AP3D1: variants seen among roughly 807,000 people sequenced by gnomAD.
The protein encoded by AP3D1 is AP-3 complex subunit delta-1.
A neutral mutation model predicts 147.6 loss-of-function variants in AP3D1; 51 were observed. The observed-to-expected ratio is 0.35, with a 90% CI of 0.28 to 0.44. AP3D1 has a LOEUF of 0.44. AP3D1 is among the 20% of genes least tolerant of loss of function. AP3D1 has a pLI of 1.00. For synonymous variants in AP3D1, 760 were observed against 663.0 expected, an observed-to-expected ratio of 1.15 and a Z score of -2.25; for missense variants, 1,421 against 1,624.2, an observed-to-expected ratio of 0.87 and a Z score of 2.15.
At position 2,115,412 on chromosome 19, in the gene AP3D1, G is replaced by A; in HGVS notation, c.2156C>T (p.Pro719Leu). ...LSVPLKVPGL[P>L]MSDQYVKLEE... is the part of the protein sequence containing the mutation. Reference sequence around the variant, plus strand: ...CAGCTTCACATACTGATCTGACATAGGCAGCCCTGCGGGCCGGCAGCGGGC... The same window carrying A: ...CAGCTTCACATACTGATCTGACATAAGCAGCCCTGCGGGCCGGCAGCGGGC... Residue 719 changes from proline (P) to leucine (L), a missense_variant, in exon 20 of 32, where the codon CCT becomes CTT. Around this residue, in one of 6 missense-constraint regions of AP3D1, gnomAD observed 791 missense variants for 761.4 expected, o/e 1.04. Coordinates refer to ENST00000643116, the MANE Select transcript of AP3D1 (RefSeq NM_001261826.3). The A allele has an allele frequency of 6.2e-7, 1 of 1,607,142 alleles. No individual in the cohort carries two copies. Among genetic ancestry groups the A allele is most frequent in the African/African-American group, 1.3e-5 (1 of 75,044 alleles).
At chr19:2,124,649 C>G (rs190152043) in intron 9 of AP3D1, among the ~76,000 whole-genome samples, 173 of 152,222 alleles carry the variant, frequency 1.1e-3, no homozygotes, top group Non-Finnish European at 1.7e-3. Context: ...AAAAGCATAA[C>G]AATGATCTAG....
chr19:2,140,060 A>T (rs1599487549), intron 1 of AP3D1, among the ~76,000 whole-genome samples: 1 of 151,796 alleles, frequency 6.6e-6, no homozygotes, highest in Non-Finnish European at 1.5e-5. Flanking sequence ...GATCCTCCAG[A>T]CGGGCTTCAA....
intron 7 of AP3D1, 26 bp downstream of exon 7, chr19:2,129,292 A>C (rs369430796): frequency 5.3e-5 from 85 of 1,612,962 alleles, no homozygotes; most frequent in Non-Finnish European, 6.9e-5. Context: ...CAGGGTGAGG[A>C]GGCCACATTC....
intron 1 of AP3D1, among the ~76,000 whole-genome samples, chr19:2,150,234 C>G (rs1469826056): frequency 4.6e-5 from 7 of 152,172 alleles, no homozygotes; most frequent in Admixed American, 2.0e-4. Flanking sequence ...GGTGCGGTAT[C>G]AGACGGCGGC....
At chr19:2,118,250 C>G (rs1043304009) in intron 15 of AP3D1, among the ~76,000 whole-genome samples, 3 of 152,198 alleles carry the variant, frequency 2.0e-5, no homozygotes, top group Non-Finnish European at 4.4e-5. Context: ...GTCTGCTCAA[C>G]CTAGAACCCA....
At position 2,121,431 on chromosome 19, in the gene AP3D1, G is replaced by A. The variant is rs769646571; in HGVS notation, c.1102-120C>T. 17 of 1,325,756 alleles carry A rather than the reference G, an allele frequency of 1.3e-5. No homozygotes were observed. The Middle Eastern group carries it at 1.9e-3, about 152-fold the overall frequency. The allele number at this position is 1,325,756 out of a possible 1,614,324, so 82.1% of individuals were successfully genotyped here. A position where few individuals can be genotyped will look rare whatever the true frequency, so the allele number is the denominator to read the frequency against. On this transcript the variant is annotated intron_variant, in intron 12 of 31. Transcript: ENST00000643116. ...GGACACAGGCGGACCCGGATTCACA[G>A]ATCGATGCCAGGGAGGCAGCAGGCC...
At chr19:2,148,692 C>T (rs1482421815) in intron 1 of AP3D1, among the ~76,000 whole-genome samples, 1 of 152,146 alleles carries the variant, frequency 6.6e-6, no homozygotes, top group Non-Finnish European at 1.5e-5. Flanking sequence ...AGATGGGCCG[C>T]CCCATGAAGT....
upstream of AP3D1, among the ~76,000 whole-genome samples, chr19:2,156,039 C>T (rs1224671428): frequency 2.1e-5 from 3 of 143,874 alleles, no homozygotes; most frequent in South Asian, 2.2e-4. Flanking sequence ...GACGACAGAG[C>T]GAGACTCCGT....
At chr19:2,105,025 G>C (rs2018071207) in intron 31 of AP3D1, among the ~76,000 whole-genome samples, 1 of 152,074 alleles carries the variant, frequency 6.6e-6, no homozygotes. Flanking sequence ...AGATCACCAG[G>C]GCATCAGCAA....
intron 14 of AP3D1, among the ~76,000 whole-genome samples, 182 bp from the exon 15 acceptor site, chr19:2,119,014 G>C (rs10408693): frequency 6.6e-6 from 1 of 152,206 alleles, no homozygotes; most frequent in Admixed American, 6.5e-5. Context: ...TCAACAGCCC[G>C]TAACACAAAC....
At chr19:2,105,023 A>G (rs2018071067) in intron 31 of AP3D1, among the ~76,000 whole-genome samples, 1 of 152,180 alleles carries the variant, frequency 6.6e-6, no homozygotes, top group Admixed American at 6.5e-5. Context: ...ACAGATCACC[A>G]GGGCATCAGC....
intron 1 of AP3D1, among the ~76,000 whole-genome samples, chr19:2,158,199 G>T (rs2019664207): frequency 1.3e-5 from 2 of 152,002 alleles, no homozygotes; most frequent in South Asian, 4.2e-4. Context: ...GGGACTACAG[G>T]CACCCGCCAC....
intron 1 of AP3D1, among the ~76,000 whole-genome samples, chr19:2,162,526 T>A (rs2144611891): frequency 6.6e-6 from 1 of 151,398 alleles, no homozygotes; most frequent in South Asian, 2.1e-4. Context: ...CCGGGCGTGG[T>A]GACTCGTGCC....
Position 2,120,939 on chromosome 19 carries a change from C to T in AP3D1, c.1404G>A (p.Leu468=), listed in dbSNP as rs1261230783. Residue 468 remains leucine, a synonymous_variant, in exon 14 of 32, where the codon CTG becomes CTA. Transcript: ENST00000643116. The part of the protein sequence containing the change: ...QMSALLDSAH[L]LASSTQRNGI... ...CGTTCCGCTGGGTGCTGCTGGCCAG[C>T]AGGTGTGCACTGTCAAGCAGCGCAG... 8 of 1,611,956 alleles carry T rather than the reference C, an allele frequency of 5.0e-6. No individual in the cohort carries two copies. Among genetic ancestry groups the T allele is most frequent in the East Asian group, 4.5e-5 (2 of 44,880 alleles).
At chr19:2,116,177 G>A in intron 18 of AP3D1, 30 bp downstream of exon 18, 2 of 1,609,426 alleles carry the variant, frequency 1.2e-6, no homozygotes, top group African/African-American at 2.7e-5. Context: ...AGAGGGTGCT[G>A]AGGGACAGGC....
chr19:2,146,990 C>T (rs1160568351), intron 1 of AP3D1, among the ~76,000 whole-genome samples: 1 of 151,770 alleles, frequency 6.6e-6, no homozygotes, highest in East Asian at 1.9e-4. Context: ...CCAACATCCA[C>T]AGTGGTGAGG....
At position 2,114,252 on chromosome 19, in the gene AP3D1, T is replaced by A. The variant is rs750676189; in HGVS notation, c.2474A>T (p.Glu825Val). The A allele has an allele frequency of 3.1e-5, 50 of 1,613,586 alleles. No homozygotes were observed. The highest frequency in any genetic ancestry group is 4.1e-5 in the Non-Finnish European group (48 of 1,179,902). ...KLPIQKHRNT[E>V]TSKSPEKDVP... ...GTCCTTCTCAGGGGATTTTGAGGTC[T>A]CGGTGTTTCTGTGTTTCTGAATAGG... The change falls in exon 22 of 32, where the codon GAG becomes GTG. Residue 825 changes from glutamate (E) to valine (V), a missense_variant. This residue lies in a region of AP3D1 where 791 missense variants were observed against 761.4 expected (regional missense o/e 1.04). Coordinates refer to ENST00000643116, the MANE Select transcript of AP3D1 (RefSeq NM_001261826.3).
In AP3D1 at chr19:2,121,782, G is replaced by A. The variant is rs748427036; in HGVS notation, c.1053C>T (p.Asp351=). Residue 351 remains aspartate, a synonymous_variant, in exon 12 of 32, where the codon GAC becomes GAT. Transcript: ENST00000643116. ...CCCGCAGCCGGATGGACTCGTCCTT[G>A]TCGTCCAGGCACTGCAGGATGAGGT... ...HKDLILQCLD[D]KDESIRLRAL... 6.2e-7 allele frequency: 1 copy of A among 1,613,008 alleles called. No individual in the cohort carries two copies. Among genetic ancestry groups the A allele is most frequent in the Non-Finnish European group, 8.5e-7 (1 of 1,179,622 alleles).
Position 2,112,949 on chromosome 19 carries a change from T to C in AP3D1, c.2698A>G (p.Thr900Ala). 1.2e-6 allele frequency: 2 copies of C among 1,612,192 alleles called. No individual in the cohort carries two copies. Among genetic ancestry groups the C allele is most frequent in the Non-Finnish European group, 1.7e-6 (2 of 1,179,382 alleles). The change falls in exon 24 of 32, where the codon ACT becomes GCT. Residue 900 changes from threonine (T) to alanine (A), a missense_variant. Physicochemically the swap from Thr to Ala is moderately conservative, Grantham distance 58. Coordinates refer to ENST00000643116, the MANE Select transcript of AP3D1 (RefSeq NM_001261826.3). ...VPSTGELSVN[T>A]VTTPKDECED... ...CACTCGTCCTTCGGGGTAGTGACAGTGTTCACACTGAGCTCCCCCTGCAGG... is the reference window on the plus strand; with the variant it reads ...CACTCGTCCTTCGGGGTAGTGACAGCGTTCACACTGAGCTCCCCCTGCAGG...
Sources: allele counts gnomAD v4.1 joint callset (sites outside exome capture counted in the v4.1 genomes callset), GRCh38; gene constraint gnomAD v4.1.1; regional missense constraint gnomAD v4.1.1; transcripts MANE v1.5; gene names NCBI Gene and HGNC (gene_info 2026-07-23, HGNC 2026-07-21).